FAM222A: variants seen among roughly 807,000 people sequenced by gnomAD.
FAM222A encodes protein FAM222A.
FAM222A carries 7 observed loss-of-function variants against 25.8 expected under a neutral mutation model. The observed-to-expected ratio is 0.27, with a 90% CI of 0.15 to 0.51. FAM222A has a LOEUF of 0.51. FAM222A is among the 20% of genes least tolerant of loss of function. FAM222A has a pLI of 0.97. For synonymous variants in FAM222A, 294 were observed against 298.8 expected, an observed-to-expected ratio of 0.98 and a Z score of 0.17; for missense variants, 573 against 640.5, an observed-to-expected ratio of 0.89 and a Z score of 1.14.
At chr12:109,743,373 C>T (rs559630812) in intron 1 of FAM222A, among the ~76,000 whole-genome samples, 42 of 152,372 alleles carry the variant, frequency 2.8e-4, no homozygotes, top group African/African-American at 8.9e-4. Flanking sequence ...GAAGGTACCA[C>T]ACGGGCCTGT....
At chr12:109,723,897 G>A (rs746511215) in intron 1 of FAM222A, among the ~76,000 whole-genome samples, 1 of 152,162 alleles carries the variant, frequency 6.6e-6, no homozygotes, top group African/African-American at 2.4e-5. Flanking sequence ...CAGTTTTTAC[G>A]GATCATGGGC....
At chr12:109,731,941 A>G (rs898899214) in intron 1 of FAM222A, among the ~76,000 whole-genome samples, 4 of 152,196 alleles carry the variant, frequency 2.6e-5, no homozygotes, top group Non-Finnish European at 2.9e-5. Flanking sequence ...TTGGAGTAGA[A>G]AGAGACCAGC....
chr12:109,717,235 C>A (rs1161845766), intron 1 of FAM222A, among the ~76,000 whole-genome samples: 1 of 152,204 alleles, frequency 6.6e-6, no homozygotes, highest in Non-Finnish European at 1.5e-5. Context: ...CAACTTCCGC[C>A]CGGCCTTGTG....
In FAM222A at chr12:109,767,083, T is replaced by TTTTTC. The variant is rs1565849187; in HGVS notation, c.83-926_83-925insTCTTT. ...GCTTCTTTTTTTTTTTTTTTTTTTT[T>TTTTTC]TTTCTTATAAAGACAAGGTCTTGCT... On this transcript the variant is annotated intron_variant, in intron 2 of 2. Coordinates refer to ENST00000538780, the MANE Select transcript of FAM222A (RefSeq NM_032829.3). Among the ~76,000 whole-genome samples the TTTTTC allele has an allele frequency of 2.7e-5, 4 of 148,378 alleles. No homozygotes were observed. In the South Asian group the frequency reaches 6.4e-4, roughly 24 times the overall value.
intron 1 of FAM222A, among the ~76,000 whole-genome samples, chr12:109,743,246 A>T (rs1010074635): frequency 7.9e-5 from 12 of 152,260 alleles, no homozygotes; most frequent in Non-Finnish European, 1.6e-4. Context: ...CCTGCCAGTC[A>T]GGGGCTTTGG....
chr12:109,764,235 A>AAAAAAAAAAC (rs1390671389), intron 2 of FAM222A, among the ~76,000 whole-genome samples: 1 of 151,060 alleles, frequency 6.6e-6, no homozygotes, highest in Admixed American at 6.6e-5. Context: ...AAAAAAAAAA[A>AAAAAAAAAAC]AAGCCATGGC....
At chr12:109,725,312 T>C (rs1182462731) in intron 1 of FAM222A, among the ~76,000 whole-genome samples, 2 of 152,124 alleles carry the variant, frequency 1.3e-5, no homozygotes, top group African/African-American at 4.8e-5. Context: ...ATGGTCCTTC[T>C]CACAGATGAG....
At chr12:109,763,287 C>G (rs1888950814) in intron 2 of FAM222A, among the ~76,000 whole-genome samples, 1 of 152,258 alleles carries the variant, frequency 6.6e-6, no homozygotes, top group South Asian at 2.1e-4. Context: ...ACTTCCTGCT[C>G]TGTACAGCGG....
chr12:109,743,787 T>A (rs1888310977), intron 1 of FAM222A, among the ~76,000 whole-genome samples: 1 of 152,060 alleles, frequency 6.6e-6, no homozygotes. Context: ...GGAGTGAGGA[T>A]CTCACCCAGT....
chr12:109,720,066 GC>G (rs1887720046), intron 1 of FAM222A: 1 of 984,228 alleles, frequency 1.0e-6, no homozygotes, highest in Admixed American at 6.1e-5. Context: ...GCTTGCATGT[GC>G]ATAGTGCTTG....
At chr12:109,764,562 T>G (rs146299640) in intron 2 of FAM222A, among the ~76,000 whole-genome samples, 56 of 152,344 alleles carry the variant, frequency 3.7e-4, no homozygotes, top group African/African-American at 1.3e-3. Flanking sequence ...CAAATGAGTT[T>G]TCACACCACA....
intron 1 of FAM222A, among the ~76,000 whole-genome samples, chr12:109,743,481 G>A (rs1266115571): frequency 1.3e-5 from 2 of 152,124 alleles, no homozygotes; most frequent in African/African-American, 2.4e-5. Context: ...CTCGGGTCAG[G>A]GCAGCCTTGA....
intron 1 of FAM222A, among the ~76,000 whole-genome samples, chr12:109,716,117 T>C (rs536661880): frequency 6.6e-6 from 1 of 152,246 alleles, no homozygotes; most frequent in East Asian, 1.9e-4. Flanking sequence ...GTGAGGCCCA[T>C]CAGTGCCAAG....
intron 1 of FAM222A, among the ~76,000 whole-genome samples, chr12:109,743,548 G>C (rs1888303639): frequency 6.6e-6 from 1 of 152,216 alleles, no homozygotes; most frequent in Admixed American, 6.5e-5. Context: ...AGAGCCCCTT[G>C]TTCTCTCAGG....
chr12:109,765,747 G>A (rs1889031244), intron 2 of FAM222A, among the ~76,000 whole-genome samples: 1 of 152,228 alleles, frequency 6.6e-6, no homozygotes, highest in South Asian at 2.1e-4. Context: ...CTGATCAGTG[G>A]GGAGGTAGCA....
chr12:109,766,631 G>A (rs773620394), intron 2 of FAM222A, among the ~76,000 whole-genome samples: 21 of 152,186 alleles, frequency 1.4e-4, no homozygotes, highest in East Asian at 1.9e-4. Flanking sequence ...GAAGGCATAC[G>A]GAGGATAAAA....
chr12:109,759,711 T>G (rs1888836260), intron 2 of FAM222A, among the ~76,000 whole-genome samples: 1 of 151,902 alleles, frequency 6.6e-6, no homozygotes, highest in East Asian at 1.9e-4. Context: ...CAGTACACAG[T>G]GGGGAGCACC....
chr12:109,746,802 T>TC (rs1189930006), intron 2 of FAM222A, among the ~76,000 whole-genome samples: 1 of 152,128 alleles, frequency 6.6e-6, no homozygotes, highest in African/African-American at 2.4e-5. Context: ...ACCAACCTCC[T>TC]CCCCTTTCTC....
At chr12:109,726,629 G>A (rs1887847168) in intron 1 of FAM222A, among the ~76,000 whole-genome samples, 1 of 152,256 alleles carries the variant, frequency 6.6e-6, no homozygotes, top group Non-Finnish European at 1.5e-5. Context: ...AGATGGTCAG[G>A]AGCAGCAGGG....
Sources: allele counts gnomAD v4.1 joint callset (sites outside exome capture counted in the v4.1 genomes callset), GRCh38; gene constraint gnomAD v4.1.1; transcripts MANE v1.5; gene names NCBI Gene and HGNC (gene_info 2026-07-23, HGNC 2026-07-21).